The following INO80D variants were observed in gnomAD, a reference collection of about 807,000 sequenced individuals.
INO80D encodes INO80 complex subunit D.
INO80D carries 21 observed loss-of-function variants against 87.6 expected under a neutral mutation model. The ratio of observed to expected loss-of-function variants is 0.24; its 90% CI spans 0.17 to 0.35. The LOEUF (loss-of-function observed/expected upper bound fraction) is 0.35. Among genes scored for constraint, INO80D ranks in the 10% least tolerant of loss-of-function variants. INO80D has a pLI of 1.00. For missense variants in INO80D, 982 were observed against 1,280.7 expected (o/e 0.77, Z 3.56); for synonymous variants, 440 against 491.0 (o/e 0.90, Z 1.37).
At chr2:206,020,259 A>G (rs1369454469) in intron 6 of INO80D, among the ~76,000 whole-genome samples, 1 of 152,068 alleles carries the variant, frequency 6.6e-6, no homozygotes, top group Non-Finnish European at 1.5e-5. Flanking sequence ...TTAAACCCCA[A>G]TTTTCTCACC....
rs945959948 is a variant in INO80D at position 206,067,901 on chromosome 2, C to A, written c.-123-4657G>T. 2.6e-4 allele frequency among the ~76,000 whole-genome samples: 39 copies of A among 152,204 alleles called. 1 individual carries two copies. The highest frequency in any genetic ancestry group is 9.2e-4 in the African/African-American group (38 of 41,524). The stretch of plus-strand genomic sequence containing the variant: ...GAAGTTGCAGTGTGCCGAGATCGTG[C>A]CACTGCACTCCAGCCTGGGCAACAG... On this transcript the variant is annotated intron_variant, in intron 1 of 10. Coordinates refer to ENST00000403263, the MANE Select transcript of INO80D (RefSeq NM_017759.5).
chr2:206,018,899 C>A (rs539363662), intron 7 of INO80D, among the ~76,000 whole-genome samples: 9 of 152,226 alleles, frequency 5.9e-5, no homozygotes, highest in South Asian at 2.1e-4. Flanking sequence ...TGAGATCCTG[C>A]CTCTAAACAA....
Position 206,003,015 on chromosome 2 carries a change from C to T in INO80D, c.*1353G>A, listed in dbSNP as rs1046824811. ...TCATAGTCACAAACTTCCTAAACTA[C>T]CCCATATGATCTTTAACCCCTAAAA... On this transcript the variant is annotated 3_prime_UTR_variant, in exon 11 of 11. Transcript: ENST00000403263. 1 of 152,120 alleles carries T rather than the reference C, an allele frequency of 6.6e-6. No homozygotes were observed. The highest frequency in any genetic ancestry group is 1.5e-5 in the Non-Finnish European group (1 of 68,010). The allele number at this position is 152,120 out of a possible 1,614,324, so 9.4% of individuals were successfully genotyped here. A position where few individuals can be genotyped will look rare whatever the true frequency, so the allele number is the denominator to read the frequency against.
chr2:206,021,640 G>A (rs1688467062), intron 6 of INO80D, among the ~76,000 whole-genome samples: 1 of 152,144 alleles, frequency 6.6e-6, no homozygotes, highest in South Asian at 2.1e-4. Context: ...TTGAGACGGA[G>A]TTTTGCTTGT....
chr2:206,056,358 T>C lies in INO80D; in HGVS notation c.804A>G (p.Pro268=), dbSNP rs749299641. The C allele has an allele frequency of 1.3e-5, 21 of 1,613,834 alleles. No individual in the cohort carries two copies. In the African/African-American group the frequency reaches 1.9e-4, roughly 14 times the overall value. Residue 268 remains proline (P), a synonymous_variant, in exon 4 of 11, where the codon CCA becomes CCG. Coordinates refer to ENST00000403263, the MANE Select transcript of INO80D (RefSeq NM_017759.5). ...GGTCCACAGTGGGAGCCCTACTGGATGGCAGGAGGGGCAGAGGCCTCTTGT... is the reference window on the plus strand; with the variant it reads ...GGTCCACAGTGGGAGCCCTACTGGACGGCAGGAGGGGCAGAGGCCTCTTGT... The part of the protein sequence containing the change: ...LSHKRPLPLL[P]SSRAPTVDPP...
chr2:206,026,951 TA>T (rs1688631209), intron 6 of INO80D, among the ~76,000 whole-genome samples: 1 of 152,140 alleles, frequency 6.6e-6, no homozygotes, highest in African/African-American at 2.4e-5. Flanking sequence ...GAGGGAAAAC[TA>T]GAAAACTCAA....
In INO80D at chr2:205,999,757, G is replaced by A. The variant is rs920488431; in HGVS notation, c.*4611C>T. The A allele has an allele frequency of 6.6e-6, 1 of 151,998 alleles. No individual in the cohort carries two copies. The highest frequency in any genetic ancestry group is 6.6e-5 in the Admixed American group (1 of 15,264). 9.4% of individuals were successfully genotyped at this position (151,998 alleles called of 1,614,324 possible). A position where few individuals can be genotyped will look rare whatever the true frequency, so the allele number is the denominator to read the frequency against. On this transcript the variant is annotated 3_prime_UTR_variant, in exon 11 of 11. Coordinates refer to ENST00000403263, the MANE Select transcript of INO80D (RefSeq NM_017759.5). The stretch of plus-strand genomic sequence containing the variant: ...AGATATCCAAACATGTCCTTCACTG[G>A]TATTTTATTACAAATTATTGGAAAG...
intron 1 of INO80D, among the ~76,000 whole-genome samples, chr2:206,080,928 G>A (rs200251003): frequency 0.058 from 6,246 of 108,380 alleles, 197 homozygotes; most frequent in African/African-American, 0.092. Flanking sequence ...AAAAAAAAAA[G>A]AATATTAAAA....
At chr2:206,012,976 CTT>C (rs148521550) in intron 8 of INO80D, among the ~76,000 whole-genome samples, 7,050 of 151,292 alleles carry the variant, frequency 0.047, 232 homozygotes, top group African/African-American at 0.082. Flanking sequence ...CTTATAGTCT[CTT>C]ATGTAATTTT....
At chr2:206,083,158 A>T (rs181055913) in intron 1 of INO80D, among the ~76,000 whole-genome samples, 1 of 152,240 alleles carries the variant, frequency 6.6e-6, no homozygotes, top group African/African-American at 2.4e-5. Context: ...TCAGGAAATA[A>T]AGTAGCCCAT....
intron 5 of INO80D, among the ~76,000 whole-genome samples, chr2:206,044,463 G>C (rs1011980686): frequency 1.6e-5 from 2 of 124,032 alleles, no homozygotes; most frequent in African/African-American, 5.9e-5. Flanking sequence ...TGGGCAAGAA[G>C]TAAGGATAAA....
At position 205,994,874 on chromosome 2, in the gene INO80D, C is replaced by CAAAAAAA. The variant is rs11306784; in HGVS notation, c.*9487_*9493dup. ...TCAAGCACATGCAACTTGGAACTCG[C>CAAAAAAA]AAAAAAAAAAAAAAAAGAAAGAAAG... On this transcript the variant is annotated 3_prime_UTR_variant, in exon 11 of 11. Coordinates refer to ENST00000403263, the MANE Select transcript of INO80D (RefSeq NM_017759.5). 1.0e-5 allele frequency: 1 copy of CAAAAAAA among 98,424 alleles called. No homozygotes were observed. The allele number at this position is 98,424 out of a possible 1,614,324, so 6.1% of individuals were successfully genotyped here.
At chr2:206,084,947 A>T (rs1690395098) in intron 1 of INO80D, among the ~76,000 whole-genome samples, 1 of 151,808 alleles carries the variant, frequency 6.6e-6, no homozygotes, top group Non-Finnish European at 1.5e-5. Context: ...CCTCTCCCCA[A>T]CCTGGGGGGC....
chr2:206,005,277 A>G lies in INO80D; in HGVS notation c.2175T>C (p.Asn725=). The change falls in exon 11 of 11, where the codon AAT becomes AAC. Residue 725 remains asparagine, a synonymous_variant. Transcript: ENST00000403263. The part of the protein sequence containing the change: ...ELLNGRIVHD[N]FSSLELDENL... The stretch of plus-strand genomic sequence containing the variant: ...TCTCATCCAGCTCTAGACTAGAAAA[A>G]TTATCATGTACTATACGCCCATTCA... 2 of 1,613,976 alleles carry G rather than the reference A, an allele frequency of 1.2e-6. No individual in the cohort carries two copies. Among genetic ancestry groups the G allele is most frequent in the Non-Finnish European group, 1.7e-6 (2 of 1,179,904 alleles).
chr2:206,028,750 A>G (rs944422677), intron 5 of INO80D, among the ~76,000 whole-genome samples: 4 of 152,336 alleles, frequency 2.6e-5, no homozygotes, highest in Admixed American at 6.5e-5. Context: ...GAAATAGGGC[A>G]GCGAATTCTA....
intron 1 of INO80D, among the ~76,000 whole-genome samples, chr2:206,078,813 G>A (rs1690194353): frequency 6.6e-6 from 1 of 151,704 alleles, no homozygotes. Flanking sequence ...GTGTGGTGGT[G>A]GGCGCCTGTA....
intron 6 of INO80D, among the ~76,000 whole-genome samples, chr2:206,022,448 C>A (rs529946638): frequency 1.4e-4 from 22 of 152,180 alleles, no homozygotes; most frequent in South Asian, 4.2e-4. Context: ...ATAAGCCCAA[C>A]AAACAAAGGG....
intron 5 of INO80D, among the ~76,000 whole-genome samples, chr2:206,033,402 T>A (rs1470734187): frequency 3.9e-5 from 6 of 152,014 alleles, no homozygotes. Flanking sequence ...CAGACTACAG[T>A]GGAATAAAAC....
At chr2:206,053,240 G>A (rs529950717) in intron 4 of INO80D, among the ~76,000 whole-genome samples, 7 of 152,076 alleles carry the variant, frequency 4.6e-5, no homozygotes, top group East Asian at 3.9e-4. Flanking sequence ...ATACATCTAC[G>A]ACAGTTTATA....
Sources: gnomAD v4.1 joint callset for allele counts (sites outside exome capture counted in the v4.1 genomes callset) on GRCh38, gnomAD v4.1.1 for gene constraint, MANE v1.5 for transcripts, NCBI Gene and HGNC (gene_info 2026-07-23, HGNC 2026-07-21) for gene names.